ITGB4: variants seen among roughly 807,000 people sequenced by gnomAD.
ITGB4 encodes integrin beta-4.
ITGB4 carries 159 observed loss-of-function variants against 207.6 expected under a neutral mutation model. That is an observed-to-expected ratio of 0.77 (90% CI 0.67 to 0.87). The LOEUF (loss-of-function observed/expected upper bound fraction) is 0.87. Ranked by LOEUF, ITGB4 falls within the 40% of genes least tolerant of loss-of-function variation. ITGB4 has a pLI of 0.00. For synonymous variants in ITGB4, 1,020 were observed against 1,062.7 expected (o/e 0.96, Z 0.78); for missense variants, 2,278 against 2,546.8 (o/e 0.89, Z 2.27).
At position 75,722,757 on chromosome 17, in the gene ITGB4, CTGTGTGTG is replaced by C. The variant is rs55981241; in HGVS notation, c.-11+1173_-11+1180del. 1.3e-4 allele frequency among the ~76,000 whole-genome samples: 18 copies of C among 135,164 alleles called. No individual in the cohort carries two copies. Among genetic ancestry groups the C allele is most frequent in the Admixed American group, 5.8e-4 (8 of 13,768 alleles). 88.7% of individuals were successfully genotyped at this position (135,164 alleles called of 152,430 possible). ...GAGCCTGTGGGTGGGTGGGCATGGC[CTGTGTGTG>C]TGTGTGTGTGTGTGTGTGTGTGTGT... is the stretch of plus-strand genomic sequence containing the variant. On this transcript the variant is annotated intron_variant, in intron 1 of 39. Coordinates refer to ENST00000200181, the MANE Select transcript of ITGB4 (RefSeq NM_000213.5). The surrounding 1 kb of genome is among the most constrained non-coding windows in gnomAD (Gnocchi z 6.2).
Position 75,740,822 on chromosome 17 carries a change from T to C in ITGB4, c.2580T>C (p.Gly860=). Residue 860 remains glycine (G), a synonymous_variant, in exon 22 of 40, where the codon GGT becomes GGC. Coordinates refer to ENST00000200181, the MANE Select transcript of ITGB4 (RefSeq NM_000213.5). This position sits in a 1 kb window ranked among gnomAD's most constrained non-coding sequence, Gnocchi z 5.9. ...NLNEVYRQIS[G]VHKLQQTKFR... is the part of the protein sequence containing the mutation. ...ACGAGGTCTACAGGCAGATCTCCGG[T>C]GTACACAAGCTCCAGCAGACCAAGT... 6.2e-7 allele frequency: 1 copy of C among 1,613,542 alleles called. No individual in the cohort carries two copies.
At chr17:75,735,800 G>A (rs1401395032) in intron 13 of ITGB4, among the ~76,000 whole-genome samples, 2 of 152,182 alleles carry the variant, frequency 1.3e-5, no homozygotes, top group Admixed American at 6.5e-5. Flanking sequence ...CTTAGCCAGG[G>A]GAGCAGGAGC....
In ITGB4 at chr17:75,750,705, C is replaced by G. The variant is rs1385695348; in HGVS notation, c.3500C>G (p.Ser1167Cys). The G allele has an allele frequency of 2.5e-6, 4 of 1,613,216 alleles. No homozygotes were observed. Among genetic ancestry groups the G allele is most frequent in the Non-Finnish European group, 3.4e-6 (4 of 1,180,016 alleles). ...YRVKYWIQGD[S>C]ESEAHLLDSK... Reference sequence around the variant, plus strand: ...GTAAAGTACTGGATTCAGGGTGACTCCGAATCCGAAGCCCACCTGCTCGAC... The same window carrying G: ...GTAAAGTACTGGATTCAGGGTGACTGCGAATCCGAAGCCCACCTGCTCGAC... Residue 1167 changes from serine (S) to cysteine (C), a missense_variant, in exon 29 of 40, where the codon TCC (serine) becomes TGC (cysteine). Coordinates refer to ENST00000200181, the MANE Select transcript of ITGB4 (RefSeq NM_000213.5). This position sits in a 1 kb window ranked among gnomAD's most constrained non-coding sequence, Gnocchi z 5.5.
In ITGB4 at chr17:75,737,537, G is replaced by A; in HGVS notation, c.2114-1G>A. 6.4e-7 allele frequency: 1 copy of A among 1,571,468 alleles called. No homozygotes were observed. The highest frequency in any genetic ancestry group is 8.6e-7 in the Non-Finnish European group (1 of 1,158,958). On this transcript the variant is annotated splice_acceptor_variant, in intron 17 of 39. Coordinates refer to ENST00000200181, the MANE Select transcript of ITGB4 (RefSeq NM_000213.5). LOFTEE classifies it high-confidence loss of function. ...ACCTCCCCCTGCCTCCTCCTCTCCA[G>A]ACTGCCCTCCGGGCTCCTTCTGGTG... is the stretch of plus-strand genomic sequence containing the variant.
Position 75,728,179 on chromosome 17 carries a change from C to T in ITGB4, c.470-198C>T, listed in dbSNP as rs551858871. 6.6e-5 allele frequency among the ~76,000 whole-genome samples: 10 copies of T among 152,314 alleles called. No homozygotes were observed. The South Asian group carries it at 1.9e-3, about 28-fold the overall frequency. On this transcript the variant is annotated intron_variant, in intron 5 of 39. Coordinates refer to ENST00000200181, the MANE Select transcript of ITGB4 (RefSeq NM_000213.5). Reference sequence around the variant, plus strand: ...TCCCAGCCACCCTGCCCTTGCTGTACGCATAACTCCAGACCCCCAGTCCCA... The same window carrying T: ...TCCCAGCCACCCTGCCCTTGCTGTATGCATAACTCCAGACCCCCAGTCCCA...
chr17:75,724,541 C>A (rs1007414449), intron 1 of ITGB4, among the ~76,000 whole-genome samples, 153 bp from the exon 2 acceptor site: 1 of 152,242 alleles, frequency 6.6e-6, no homozygotes, highest in African/African-American at 2.4e-5. Flanking sequence ...GGCAGGAGTC[C>A]GAGGCCCAGG....
At chr17:75,723,117 G>T (rs1243315517) in intron 1 of ITGB4, among the ~76,000 whole-genome samples, 1 of 152,204 alleles carries the variant, frequency 6.6e-6, no homozygotes, top group Non-Finnish European at 1.5e-5. Flanking sequence ...AGGCTGCCAT[G>T]GAGGTTAAAG....
In ITGB4 at chr17:75,742,492, AGGAGGGCG is replaced by A. The variant is rs1321769300; in HGVS notation, c.2782+6_2782+13del. The A allele has an allele frequency of 1.2e-6, 2 of 1,613,138 alleles. No individual in the cohort carries two copies. Among genetic ancestry groups the A allele is most frequent in the Non-Finnish European group, 8.5e-7 (1 of 1,179,784 alleles). ...CTACACCCTCACTGCAGACCAGGGTAGGAGGGCGGGTCCGCTGTGCCACTGCCTCGCAC... is the reference window on the plus strand; with the variant it reads ...CTACACCCTCACTGCAGACCAGGGTAGGTCCGCTGTGCCACTGCCTCGCAC... On this transcript the variant is annotated splice_donor_5th_base_variant and intron_variant, in intron 24 of 39. Transcript: ENST00000200181. This position sits in a 1 kb window ranked among gnomAD's most constrained non-coding sequence, Gnocchi z 5.9.
Position 75,740,756 on chromosome 17 carries a change from C to A in ITGB4, c.2551-37C>A. ...AGCCTGAGGGCTTGCCACGGGGTGGCCTAGGCCCAGCCTCACGCCCCTCCC... is the reference window on the plus strand; with the variant it reads ...AGCCTGAGGGCTTGCCACGGGGTGGACTAGGCCCAGCCTCACGCCCCTCCC... On this transcript the variant is annotated intron_variant, in intron 21 of 39. Coordinates refer to ENST00000200181, the MANE Select transcript of ITGB4 (RefSeq NM_000213.5). The surrounding 1 kb of genome is among the most constrained non-coding windows in gnomAD (Gnocchi z 5.9). The A allele has an allele frequency of 1.2e-6, 2 of 1,610,020 alleles. No individual in the cohort carries two copies. Among genetic ancestry groups the A allele is most frequent in the African/African-American group, 2.7e-5 (2 of 74,946 alleles).
chr17:75,731,961 C>T lies in ITGB4; in HGVS notation c.1365C>T (p.Cys455=). ...KMDAGIICDV[C]TCELQKEVRS... ...ACGCGGGCATCATCTGTGATGTGTG[C>T]ACCTGCGAGCTGGTACAACGCAGCC... Residue 455 remains cysteine (C), a synonymous_variant, in exon 11 of 40, where the codon TGC becomes TGT. Transcript: ENST00000200181. This position sits in a 1 kb window ranked among gnomAD's most constrained non-coding sequence, Gnocchi z 6.8. The T allele has an allele frequency of 6.2e-7, 1 of 1,614,040 alleles. No homozygotes were observed. Among genetic ancestry groups the T allele is most frequent in the African/African-American group, 1.3e-5 (1 of 75,074 alleles).
Position 75,740,429 on chromosome 17 carries a change from T to A in ITGB4, c.2518T>A (p.Cys840Ser). 6.2e-7 allele frequency: 1 copy of A among 1,611,366 alleles called. No individual in the cohort carries two copies. Among genetic ancestry groups the A allele is most frequent in the Admixed American group, 1.7e-5 (1 of 59,742 alleles). Residue 840 changes from cysteine to serine, a missense_variant, in exon 21 of 40, where the codon TGC (cysteine) becomes AGC (serine). Transcript: ENST00000200181. The surrounding 1 kb of genome is among the most constrained non-coding windows in gnomAD (Gnocchi z 5.9). ...CCTGCTGAAGCCTGACACTCGGGAG[T>A]GCGCCCAGCTGCGCCAGGAGGTGGA... ...ENLLKPDTRE[C>S]AQLRQEVEEN...
At position 75,749,007 on chromosome 17, in the gene ITGB4, G is replaced by A; in HGVS notation, c.3278G>A (p.Gly1093Asp). 2 of 1,612,546 alleles carry A rather than the reference G, an allele frequency of 1.2e-6. No individual in the cohort carries two copies. Among genetic ancestry groups the A allele is most frequent in the South Asian group, 1.1e-5 (1 of 91,052 alleles). The change falls in exon 27 of 40, where the codon GGC (glycine) becomes GAC (aspartate). Residue 1093 changes from glycine to aspartate, a missense_variant. Physicochemically the swap from Gly to Asp is moderately conservative, Grantham distance 94. Coordinates refer to ENST00000200181, the MANE Select transcript of ITGB4 (RefSeq NM_000213.5). ...LSNPKFGAHL[G>D]QPHSTTIIIR... ...AACCCTAAGTTTGGGGCCCACCTGGGCCAGCCCCACTCCACCACCATCATC... is the reference window on the plus strand; with the variant it reads ...AACCCTAAGTTTGGGGCCCACCTGGACCAGCCCCACTCCACCACCATCATC...
Position 75,739,997 on chromosome 17 carries a change from G to A in ITGB4, c.2372G>A (p.Arg791His), listed in dbSNP as rs376006066. The change falls in exon 20 of 40, where the codon CGC becomes CAC. Residue 791 changes from arginine (R) to histidine (H), a missense_variant. By Grantham distance (29) the Arg-to-His change is conservative (BLOSUM62 0). Coordinates refer to ENST00000200181, the MANE Select transcript of ITGB4 (RefSeq NM_000213.5). The surrounding 1 kb of genome is among the most constrained non-coding windows in gnomAD (Gnocchi z 5.4). ...AACCTCAAGGGCCGTGACGTGGTCCGCTGGAAGGTCACCAACAACATGCAG... is the reference window on the plus strand; with the variant it reads ...AACCTCAAGGGCCGTGACGTGGTCCACTGGAAGGTCACCAACAACATGCAG... ...SGNLKGRDVV[R>H]WKVTNNMQRP... is the part of the protein sequence containing the mutation. 1.9e-5 allele frequency: 31 copies of A among 1,613,114 alleles called. No individual in the cohort carries two copies. Among genetic ancestry groups the A allele is most frequent in the Admixed American group, 3.3e-5 (2 of 60,008 alleles).
At chr17:75,751,872 T>A in intron 30 of ITGB4, 1 of 475,190 alleles carries the variant, frequency 2.1e-6, no homozygotes, top group South Asian at 2.0e-5. Context: ...ATGCGTGCCC[T>A]TGCCTTGTGT....
At position 75,727,614 on chromosome 17, in the gene ITGB4, G is replaced by A; in HGVS notation, c.265-37G>A. The A allele has an allele frequency of 6.3e-7, 1 of 1,584,684 alleles. No homozygotes were observed. The highest frequency in any genetic ancestry group is 8.6e-7 in the Non-Finnish European group (1 of 1,165,578). ...TGGGCCCCCATCGGGCCTCCGGAGT[G>A]ACCCTCTAGCCAGCTGTCCCCTTCC... On this transcript the variant is annotated intron_variant, in intron 4 of 39. Transcript: ENST00000200181. The surrounding 1 kb of genome is among the most constrained non-coding windows in gnomAD (Gnocchi z 6.0).
Position 75,757,420 on chromosome 17 carries a change from G to C in ITGB4, c.5334G>C (p.Gly1778=), listed in dbSNP as rs577744389. Residue 1778 remains glycine, a synonymous_variant, in exon 40 of 40, where the codon GGG becomes GGC. Coordinates refer to ENST00000200181, the MANE Select transcript of ITGB4 (RefSeq NM_000213.5). ...TSATEPFLVD[G]LTLGAQHLEA... is the part of the protein sequence containing the mutation. ...CTAATGCCTCCTCCTCCACAGATGG[G>C]CTGACCCTGGGGGCCCAGCACCTGG... The C allele has an allele frequency of 1.2e-6, 2 of 1,613,140 alleles. No individual in the cohort carries two copies. Among genetic ancestry groups the C allele is most frequent in the South Asian group, 2.2e-5 (2 of 91,090 alleles).
At chr17:75,746,857 A>G (rs1599287217) in intron 26 of ITGB4, among the ~76,000 whole-genome samples, 1 of 142,224 alleles carries the variant, frequency 7.0e-6, no homozygotes, top group East Asian at 2.3e-4. Flanking sequence ...AGAGCCCAGT[A>G]GGTGGAGGTT....
Position 75,731,267 on chromosome 17 carries a change from A to T in ITGB4, c.1114A>T (p.Ile372Phe). The T allele has an allele frequency of 1.2e-6, 2 of 1,613,422 alleles. No individual in the cohort carries two copies. Among genetic ancestry groups the T allele is most frequent in the Non-Finnish European group, 1.7e-6 (2 of 1,180,006 alleles). ...TTAGCGGATCCGCTCCAACCTGGAC[A>T]TCCGGGCCCTAGACAGCCCCCGAGG... ...AFNRIRSNLD[I>F]RALDSPRGLR... The change falls in exon 10 of 40, where the codon ATC (isoleucine) becomes TTC (phenylalanine). Residue 372 changes from isoleucine to phenylalanine, a missense_variant. Coordinates refer to ENST00000200181, the MANE Select transcript of ITGB4 (RefSeq NM_000213.5). The surrounding 1 kb of genome is among the most constrained non-coding windows in gnomAD (Gnocchi z 6.8).
At chr17:75,728,909 G>A (rs1481100568) in intron 6 of ITGB4, among the ~76,000 whole-genome samples, 12 of 151,006 alleles carry the variant, frequency 7.9e-5, no homozygotes, top group East Asian at 1.9e-4. Context: ...GCGTGAACCC[G>A]GGAGGCGGAG....
Sources: gnomAD v4.1 joint callset for allele counts (sites outside exome capture counted in the v4.1 genomes callset) on GRCh38, gnomAD v4.1.1 for gene constraint, Gnocchi (gnomAD v3.1) non-coding constraint, MANE v1.5 for transcripts, NCBI Gene and HGNC (gene_info 2026-07-23, HGNC 2026-07-21) for gene names.